The following FGF14 variants were observed in gnomAD, a reference collection of about 807,000 sequenced individuals.
The protein encoded by FGF14 is fibroblast growth factor homologous factor 4.
A neutral mutation model predicts 25.5 loss-of-function variants in FGF14; 5 were observed. That is an observed-to-expected ratio of 0.20 (90% confidence interval 0.10 to 0.41). The LOEUF is 0.41. FGF14 is among the 10% of genes least tolerant of loss of function. The pLI, the probability that FGF14 is intolerant of heterozygous loss-of-function variation, is 1.00. For synonymous variants in FGF14, 138 were observed against 118.3 expected (o/e 1.17, Z -1.08); for missense variants, 222 against 320.1 (o/e 0.69, Z 2.34).
At chr13:101,733,899 ATAAC>A (rs1397391245) in intron 3 of FGF14, among the ~76,000 whole-genome samples, 1 of 151,758 alleles carries the variant, frequency 6.6e-6, no homozygotes, top group East Asian at 1.9e-4. Context: ...ATAACATTTA[ATAAC>A]TAAATATCAA....
intron 1 of FGF14, among the ~76,000 whole-genome samples, chr13:102,357,692 G>A (rs1256496916): frequency 2.6e-5 from 4 of 152,168 alleles, no homozygotes; most frequent in Admixed American, 6.5e-5. Context: ...TATAGATGAA[G>A]TGTTTAGAAC....
intron 1 of FGF14, among the ~76,000 whole-genome samples, chr13:102,153,156 T>G (rs2047164198): frequency 6.6e-6 from 1 of 152,220 alleles, no homozygotes; most frequent in Non-Finnish European, 1.5e-5. Context: ...CTGACATTTT[T>G]ATATTTCAAG....
chr13:102,268,639 A>G (rs1444324880), intron 1 of FGF14, among the ~76,000 whole-genome samples: 1 of 152,080 alleles, frequency 6.6e-6, no homozygotes, highest in East Asian at 1.9e-4. Context: ...TTATATTTTA[A>G]TTTTATATGA....
chr13:102,131,795 A>G (rs116036305), intron 1 of FGF14, among the ~76,000 whole-genome samples: 2,071 of 152,294 alleles, frequency 0.014, 46 homozygotes, highest in African/African-American at 0.048. Context: ...TTAGGATTTA[A>G]GGCAGAACCT....
At chr13:102,282,007 T>C (rs1048940057) in intron 1 of FGF14, among the ~76,000 whole-genome samples, 2 of 151,196 alleles carry the variant, frequency 1.3e-5, no homozygotes, top group African/African-American at 4.9e-5. Flanking sequence ...GCCCCACACA[T>C]ATAAATTCAG....
chr13:102,170,767 T>C (rs1378608619), intron 1 of FGF14, among the ~76,000 whole-genome samples: 4 of 152,202 alleles, frequency 2.6e-5, no homozygotes, highest in Non-Finnish European at 1.5e-5. Flanking sequence ...GGTAAACCCT[T>C]TTCATGGCAG....
intron 1 of FGF14, among the ~76,000 whole-genome samples, chr13:102,113,066 T>C (rs571193114): frequency 7.9e-5 from 12 of 152,368 alleles, no homozygotes; most frequent in African/African-American, 2.6e-4. Context: ...ATTAGTTTGG[T>C]TTTTACCTGT....
intron 3 of FGF14, among the ~76,000 whole-genome samples, chr13:101,754,483 C>A (rs555807082): frequency 1.1e-4 from 16 of 152,228 alleles, no homozygotes; most frequent in Admixed American, 4.6e-4. Context: ...AATCCCAGCA[C>A]TTTGGGAGGG....
intron 1 of FGF14, among the ~76,000 whole-genome samples, chr13:102,090,147 A>T (rs993506545): frequency 6.6e-6 from 1 of 152,234 alleles, no homozygotes; most frequent in Non-Finnish European, 1.5e-5. Context: ...TGCAACAAAA[A>T]TTTGTTGTGG....
chr13:102,134,207 A>G (rs2046316025), intron 1 of FGF14, among the ~76,000 whole-genome samples: 2 of 152,228 alleles, frequency 1.3e-5, no homozygotes, highest in South Asian at 4.2e-4. Flanking sequence ...GGTAGGAAAA[A>G]AGCCTGTGAG....
chr13:101,768,841 TA>T (rs1422106890), intron 3 of FGF14, among the ~76,000 whole-genome samples: 5 of 152,092 alleles, frequency 3.3e-5, no homozygotes, highest in Admixed American at 6.6e-5. Flanking sequence ...TAAATAAATG[TA>T]AAATGCAAAA....
chr13:101,915,899 G>T (rs1284272474), intron 1 of FGF14, among the ~76,000 whole-genome samples: 1 of 152,196 alleles, frequency 6.6e-6, no homozygotes. Flanking sequence ...AACCTCAGCG[G>T]ACTGGGCCAT....
chr13:101,904,991 C>A (rs1396420556), intron 1 of FGF14, among the ~76,000 whole-genome samples: 1 of 152,190 alleles, frequency 6.6e-6, no homozygotes, highest in Non-Finnish European at 1.5e-5. Flanking sequence ...AGGAAAACTT[C>A]AATCTTGCTT....
chr13:102,156,761 C>A (rs2047361499), intron 1 of FGF14, among the ~76,000 whole-genome samples: 1 of 152,034 alleles, frequency 6.6e-6, no homozygotes, highest in Non-Finnish European at 1.5e-5. Context: ...TCTAGAAAAC[C>A]CCATTGTCTC....
intron 3 of FGF14, among the ~76,000 whole-genome samples, chr13:101,797,448 C>T (rs148498854): frequency 1.3e-5 from 2 of 151,986 alleles, no homozygotes; most frequent in East Asian, 3.9e-4. Flanking sequence ...AAACAGGGGT[C>T]AATTTTCTCA....
intron 1 of FGF14, among the ~76,000 whole-genome samples, chr13:102,067,448 C>T (rs1183597909): frequency 6.6e-6 from 1 of 151,540 alleles, no homozygotes; most frequent in African/African-American, 2.4e-5. Flanking sequence ...ATATATTGAG[C>T]TTCCCATTTT....
chr13:102,290,408 C>A (rs2054325073), intron 1 of FGF14, among the ~76,000 whole-genome samples: 1 of 152,138 alleles, frequency 6.6e-6, no homozygotes. Flanking sequence ...AGCTTATAAG[C>A]TACCCATCTT....
intron 1 of FGF14, among the ~76,000 whole-genome samples, chr13:102,064,868 A>G (rs1226445316): frequency 1.3e-5 from 2 of 152,092 alleles, no homozygotes. Context: ...GCCATTTTGT[A>G]TGAGGGACAT....
At chr13:102,338,049 G>C (rs886145769) in intron 1 of FGF14, among the ~76,000 whole-genome samples, 4 of 151,826 alleles carry the variant, frequency 2.6e-5, no homozygotes, top group Non-Finnish European at 4.4e-5. Context: ...GTACATTCAA[G>C]GGAAAGGGTT....
Sources: allele counts gnomAD v4.1 joint callset (sites outside exome capture counted in the v4.1 genomes callset), GRCh38; gene constraint gnomAD v4.1.1; transcripts MANE v1.5; gene names NCBI Gene and HGNC (gene_info 2026-07-23, HGNC 2026-07-21).